The following HS6ST3 variants were observed in gnomAD, a reference collection of about 807,000 sequenced individuals.
HS6ST3 encodes the protein heparan sulfate 6-O-sulfotransferase 3.
In HS6ST3, 12 loss-of-function variants were observed where a neutral mutation model predicts 36.7. The ratio of observed to expected loss-of-function variants is 0.33; its 90% confidence interval spans 0.21 to 0.53. The LOEUF is 0.53. Ranked by LOEUF, HS6ST3 falls within the 20% of genes least tolerant of loss-of-function variation. The pLI is 0.95. For synonymous variants in HS6ST3, 240 were observed against 257.5 expected (o/e 0.93, Z 0.65); for missense variants, 584 against 640.9 (o/e 0.91, Z 0.96).
intron 1 of HS6ST3, among the ~76,000 whole-genome samples, chr13:96,656,823 C>A (rs116501154): frequency 6.6e-6 from 1 of 152,104 alleles, no homozygotes; most frequent in Non-Finnish European, 1.5e-5. Flanking sequence ...AGCAAACTGA[C>A]TGGATTGACG....
At chr13:96,210,846 G>A (rs189838283) in intron 1 of HS6ST3, among the ~76,000 whole-genome samples, 67 of 151,898 alleles carry the variant, frequency 4.4e-4, no homozygotes, top group Non-Finnish European at 8.5e-4. Flanking sequence ...CGCCTGCTTC[G>A]GCCTCCCAAA....
At chr13:96,136,874 A>G (rs987633989) in intron 1 of HS6ST3, among the ~76,000 whole-genome samples, 11 of 152,026 alleles carry the variant, frequency 7.2e-5, no homozygotes, top group Non-Finnish European at 8.8e-5. Flanking sequence ...ATCCTTGGTT[A>G]GATACCATCT....
At chr13:96,262,089 C>T (rs1352996980) in intron 1 of HS6ST3, among the ~76,000 whole-genome samples, 1 of 152,110 alleles carries the variant, frequency 6.6e-6, no homozygotes, top group Non-Finnish European at 1.5e-5. Context: ...CAGAATGGTG[C>T]ATCACGACTG....
At chr13:96,435,778 A>G (rs1167731822) in intron 1 of HS6ST3, among the ~76,000 whole-genome samples, 1 of 147,144 alleles carries the variant, frequency 6.8e-6, no homozygotes, top group Admixed American at 6.9e-5. Context: ...AAACTTCTGT[A>G]TAGTTTTTCC....
chr13:96,096,828 T>G (rs980376050), intron 1 of HS6ST3, among the ~76,000 whole-genome samples: 7 of 152,194 alleles, frequency 4.6e-5, no homozygotes, highest in African/African-American at 1.7e-4. Flanking sequence ...AAGACTAGAC[T>G]ATTATGGCCT....
chr13:96,196,782 CTTCTCTTTCTTTGT>C (rs2054316516), intron 1 of HS6ST3, among the ~76,000 whole-genome samples: 1 of 152,210 alleles, frequency 6.6e-6, no homozygotes, highest in African/African-American at 2.4e-5. Context: ...GGTTTCTGTC[CTTCTCTTTCTTTGT>C]TACAAGACCC....
intron 1 of HS6ST3, among the ~76,000 whole-genome samples, chr13:96,237,507 A>G (rs1004975229): frequency 6.6e-6 from 1 of 151,788 alleles, no homozygotes; most frequent in African/African-American, 2.4e-5. Flanking sequence ...TCTTTGCATC[A>G]TTCATCTCTT....
intron 1 of HS6ST3, among the ~76,000 whole-genome samples, chr13:96,099,972 G>A (rs1006638098): frequency 2.0e-5 from 3 of 152,082 alleles, no homozygotes; most frequent in African/African-American, 7.2e-5. Flanking sequence ...AAATCTGAGG[G>A]TAAGAGCCCC....
intron 1 of HS6ST3, among the ~76,000 whole-genome samples, chr13:96,407,236 A>G (rs990313293): frequency 2.7e-5 from 4 of 148,472 alleles, no homozygotes; most frequent in Admixed American, 2.0e-4. Context: ...GTTTGATCTT[A>G]TAATATATAA....
intron 1 of HS6ST3, among the ~76,000 whole-genome samples, chr13:96,355,400 CACAA>C (rs1430027453): frequency 5.1e-5 from 7 of 138,412 alleles, no homozygotes; most frequent in South Asian, 2.2e-4. Flanking sequence ...CACACACACA[CACAA>C]ACACACAAAC....
At chr13:96,340,283 A>G (rs540606771) in intron 1 of HS6ST3, among the ~76,000 whole-genome samples, 1 of 152,300 alleles carries the variant, frequency 6.6e-6, no homozygotes, top group Admixed American at 6.5e-5. Context: ...TCCAAAGGAC[A>G]CCTTACATGG....
chr13:96,421,895 GTAAA>G (rs2055564594), intron 1 of HS6ST3, among the ~76,000 whole-genome samples: 1 of 152,138 alleles, frequency 6.6e-6, no homozygotes, highest in Non-Finnish European at 1.5e-5. Context: ...ATGTAGATAA[GTAAA>G]TGTTTATTGA....
At chr13:96,583,336 C>T (rs2056349288) in intron 1 of HS6ST3, among the ~76,000 whole-genome samples, 1 of 149,716 alleles carries the variant, frequency 6.7e-6, no homozygotes, top group South Asian at 2.1e-4. Flanking sequence ...GCTTCAGCCT[C>T]CTGAATAGCT....
chr13:96,816,764 A>C (rs1421779029), intron 1 of HS6ST3, among the ~76,000 whole-genome samples: 1 of 152,158 alleles, frequency 6.6e-6, no homozygotes, highest in East Asian at 1.9e-4. Flanking sequence ...AGTTGTCAAA[A>C]AGCCATTTCA....
At chr13:96,832,402 G>C (rs1010632061) in intron 1 of HS6ST3, 88 bp from the exon 2 acceptor site, 3 of 960,332 alleles carry the variant, frequency 3.1e-6, no homozygotes, top group African/African-American at 1.7e-5. Context: ...AGAGTCCCTT[G>C]ACTCAATGCC....
rs181911923 is a variant in HS6ST3 at position 96,202,646 on chromosome 13, G to A, written c.707+111077G>A. 1.7e-3 allele frequency among the ~76,000 whole-genome samples: 265 copies of A among 152,182 alleles called. 2 individuals carry two copies. The highest frequency in any genetic ancestry group is 0.016 in the Admixed American group (252 of 15,276). ...AGGCAGACCACTCTGATTTATGTTC[G>A]TTTCTCTCCATCATCTTGACCATCC... On this transcript the variant is annotated intron_variant, in intron 1 of 1. Transcript: ENST00000376705.
intron 1 of HS6ST3, among the ~76,000 whole-genome samples, chr13:96,401,015 A>G (rs1251769409): frequency 6.6e-6 from 1 of 152,206 alleles, no homozygotes; most frequent in Non-Finnish European, 1.5e-5. Flanking sequence ...AAATTTGAAT[A>G]TGAAACTATC....
intron 1 of HS6ST3, among the ~76,000 whole-genome samples, chr13:96,701,209 A>G (rs1875276621): frequency 6.6e-6 from 1 of 152,214 alleles, no homozygotes. Flanking sequence ...CATTTCTATC[A>G]TGACGACTGG....
chr13:96,332,886 C>G (rs1217638774), intron 1 of HS6ST3, among the ~76,000 whole-genome samples: 1 of 152,138 alleles, frequency 6.6e-6, no homozygotes, highest in East Asian at 1.9e-4. Flanking sequence ...GAGGTGGAGT[C>G]TTTTGGAGGT....
Sources: gnomAD v4.1 joint callset for allele counts (sites outside exome capture counted in the v4.1 genomes callset) on GRCh38, gnomAD v4.1.1 for gene constraint, MANE v1.5 for transcripts, NCBI Gene and HGNC (gene_info 2026-07-23, HGNC 2026-07-21) for gene names.